LEF1: variants seen among roughly 807,000 people sequenced by gnomAD.
LEF1 encodes the protein lymphoid enhancer binding factor 1.
Under a neutral mutation model 51.2 loss-of-function variants are expected in LEF1, and 14 were observed. The observed-to-expected ratio is 0.27, with a 90% CI of 0.18 to 0.43. The LOEUF (loss-of-function observed/expected upper bound fraction) is 0.43. LEF1 is among the 20% of genes least tolerant of loss of function. The pLI is 1.00. For missense variants in LEF1, 386 were observed against 512.0 expected (o/e 0.75, Z 2.37); for synonymous variants, 185 against 183.2 (o/e 1.01, Z -0.08).
intron 3 of LEF1, among the ~76,000 whole-genome samples, chr4:108,114,008 G>T (rs979361233): frequency 1.3e-4 from 20 of 151,934 alleles, no homozygotes; most frequent in African/African-American, 4.8e-4. Context: ...TTTTTTTAAG[G>T]CAAGTATGTT....
At chr4:108,107,030 A>T (rs1741212557) in intron 3 of LEF1, among the ~76,000 whole-genome samples, 1 of 152,192 alleles carries the variant, frequency 6.6e-6, no homozygotes, top group East Asian at 1.9e-4. Flanking sequence ...CTTGTGCATG[A>T]TTGGAAAATA....
At chr4:108,134,439 C>A (rs1439993204) in intron 3 of LEF1, among the ~76,000 whole-genome samples, 1 of 152,184 alleles carries the variant, frequency 6.6e-6, no homozygotes, top group Non-Finnish European at 1.5e-5. Context: ...TCCAGAGCAG[C>A]TTTCTTTCTT....
chr4:108,126,620 C>T (rs375626804), intron 3 of LEF1, among the ~76,000 whole-genome samples: 11 of 151,684 alleles, frequency 7.3e-5, no homozygotes, highest in South Asian at 6.3e-4. Context: ...CTGGCCAACA[C>T]GGTGAAACAC....
chr4:108,075,119 ATTATTG>A (rs774222975), intron 8 of LEF1, among the ~76,000 whole-genome samples: 88 of 152,254 alleles, frequency 5.8e-4, no homozygotes, highest in Non-Finnish European at 9.6e-4. Context: ...AAGCATTGTA[ATTATTG>A]TTATTAAGTG....
At chr4:108,159,290 A>C (rs1227287817) in intron 3 of LEF1, among the ~76,000 whole-genome samples, 1 of 152,200 alleles carries the variant, frequency 6.6e-6, no homozygotes, top group East Asian at 1.9e-4. Context: ...GAATTTTCCC[A>C]CACATTCTCC....
At chr4:108,123,432 GTTTT>G (rs34015287) in intron 3 of LEF1, among the ~76,000 whole-genome samples, 21 of 72,378 alleles carry the variant, frequency 2.9e-4, no homozygotes, top group East Asian at 3.8e-4. Flanking sequence ...GCTAGGGTTG[GTTTT>G]TTTTTTTTTT....
intron 11 of LEF1, among the ~76,000 whole-genome samples, chr4:108,060,212 T>A (rs770290144): frequency 1.4e-4 from 21 of 152,286 alleles, no homozygotes; most frequent in Non-Finnish European, 2.5e-4. Context: ...CCCCATCATG[T>A]ATAAGCCATT....
intron 3 of LEF1, among the ~76,000 whole-genome samples, chr4:108,137,292 A>G (rs536488791): frequency 5.9e-5 from 9 of 152,314 alleles, no homozygotes; most frequent in African/African-American, 1.9e-4. Flanking sequence ...TGAGGGATAA[A>G]AGACTCCACA....
At chr4:108,076,280 A>G (rs971432514) in intron 8 of LEF1, among the ~76,000 whole-genome samples, 2 of 152,222 alleles carry the variant, frequency 1.3e-5, no homozygotes, top group African/African-American at 4.8e-5. Context: ...GTATTCTGTC[A>G]TAAAACTTGA....
At chr4:108,110,360 A>G (rs1741447311) in intron 3 of LEF1, among the ~76,000 whole-genome samples, 2 of 152,198 alleles carry the variant, frequency 1.3e-5, no homozygotes, top group Admixed American at 1.3e-4. Context: ...GCAGGCATTT[A>G]CTATCTCTAC....
At chr4:108,131,766 T>C (rs930391845) in intron 3 of LEF1, among the ~76,000 whole-genome samples, 4 of 152,190 alleles carry the variant, frequency 2.6e-5, no homozygotes, top group South Asian at 2.1e-4. Context: ...TTATGCAGCT[T>C]ATTGTATCAA....
chr4:108,154,854 T>C (rs1744593424), intron 3 of LEF1, among the ~76,000 whole-genome samples: 3 of 152,114 alleles, frequency 2.0e-5, no homozygotes, highest in African/African-American at 7.2e-5. Flanking sequence ...TATATAAATA[T>C]TTAACATTCA....
intron 3 of LEF1, among the ~76,000 whole-genome samples, chr4:108,144,820 G>GCAAT (rs1337698469): frequency 8.7e-6 from 1 of 115,164 alleles, no homozygotes; most frequent in Non-Finnish European, 1.6e-5. Flanking sequence ...GTGATTCTGA[G>GCAAT]CAATCTGCAA....
At chr4:108,097,401 C>T (rs541913757) in intron 3 of LEF1, among the ~76,000 whole-genome samples, 15 of 152,112 alleles carry the variant, frequency 9.9e-5, no homozygotes, top group Admixed American at 2.0e-4. Context: ...GTTGAACTCA[C>T]GGAGATACAG....
rs966438441 is a variant in LEF1 at position 108,154,147 on chromosome 4, T to G, written c.414+9421A>C. Among the ~76,000 whole-genome samples, 6 of 152,152 alleles carry G rather than the reference T, an allele frequency of 3.9e-5. No individual in the cohort carries two copies. In the East Asian group the frequency reaches 1.2e-3, roughly 29 times the overall value. On this transcript the variant is annotated intron_variant, in intron 3 of 11. Coordinates refer to ENST00000265165, the MANE Select transcript of LEF1 (RefSeq NM_016269.5). ...TAAAAATGGTTAAGCATTTTTGAAATTTTCAAGAAAATTGTAACAATTTCT... is the reference window on the plus strand; with the variant it reads ...TAAAAATGGTTAAGCATTTTTGAAAGTTTCAAGAAAATTGTAACAATTTCT...
At chr4:108,063,772 T>G (rs1168444839) in intron 10 of LEF1, 109 bp from the exon 11 acceptor site, 17 of 737,244 alleles carry the variant, frequency 2.3e-5, no homozygotes, top group Non-Finnish European at 3.9e-5. Flanking sequence ...CTTTTCATGG[T>G]TCTTATACCA....
intron 4 of LEF1, among the ~76,000 whole-genome samples, chr4:108,088,373 C>T (rs531693598): frequency 2.6e-5 from 4 of 152,200 alleles, no homozygotes; most frequent in African/African-American, 7.2e-5. Context: ...AGTCCAAGTG[C>T]GCATGTGCAT....
chr4:108,106,210 C>T (rs1048646731), intron 3 of LEF1, among the ~76,000 whole-genome samples: 3 of 152,162 alleles, frequency 2.0e-5, no homozygotes, highest in African/African-American at 7.2e-5. Context: ...GGAAGCATGA[C>T]AAGGAGACAA....
intron 3 of LEF1, among the ~76,000 whole-genome samples, chr4:108,161,066 A>G (rs1745024572): frequency 6.6e-6 from 1 of 152,240 alleles, no homozygotes; most frequent in South Asian, 2.1e-4. Context: ...ATGAAAATCT[A>G]TCACTGTGGA....
Sources: gnomAD v4.1 joint callset for allele counts (sites outside exome capture counted in the v4.1 genomes callset) on GRCh38, gnomAD v4.1.1 for gene constraint, MANE v1.5 for transcripts, NCBI Gene and HGNC (gene_info 2026-07-23, HGNC 2026-07-21) for gene names.